Variants in ABCA9 observed in about 807,000 individuals in gnomAD.
The protein encoded by ABCA9 is ATP binding cassette subfamily A member 9, also known as ATP-binding cassette sub-family A member 9.
Under a neutral mutation model 205.3 loss-of-function variants are expected in ABCA9, and 183 were observed. The observed-to-expected ratio is 0.89, with a 90% CI of 0.79 to 1.01. The LOEUF (loss-of-function observed/expected upper bound fraction) is 1.01. ABCA9 is among the 50% of genes least tolerant of loss of function. The probability of loss-of-function intolerance (pLI) is 0.00; values close to 1 mark genes in which losing one functional copy is unlikely to be tolerated. For synonymous variants in ABCA9, 651 were observed against 683.3 expected (o/e 0.95, Z 0.74); for missense variants, 1,805 against 1,912.4 (o/e 0.94, Z 1.05).
the ABCA9 span, among the ~76,000 whole-genome samples, chr17:69,075,399 T>C: frequency 6.6e-6 from 1 of 152,220 alleles, no homozygotes; most frequent in East Asian, 1.9e-4. Context: ...AATCTTTGAT[T>C]CATCTTGAGT....
intron 22 of ABCA9, 151 bp downstream of exon 22, chr17:69,016,102 G>GTATATATATATA (rs369501172): frequency 7.8e-6 from 2 of 255,614 alleles, no homozygotes; most frequent in African/African-American, 4.9e-5. Context: ...ATGTGTGTGT[G>GTATATATATATA]TATATATATA....
chr17:69,009,586 T>G lies in ABCA9; in HGVS notation c.3148-1351A>C, dbSNP rs560176170. On this transcript the variant is annotated intron_variant, in intron 23 of 38. Transcript: ENST00000340001. The stretch of plus-strand genomic sequence containing the variant: ...GCTCCTTGGTATGACGAGAAACCAT[T>G]GAAGAGATTTAGACAGAGAATTAAC... Among the ~76,000 whole-genome samples, 8 of 152,234 alleles carry G rather than the reference T, an allele frequency of 5.3e-5. No individual in the cohort carries two copies. The East Asian group carries it at 1.5e-3, about 29-fold the overall frequency.
At chr17:69,061,345 T>C (rs1266032349), upstream of ABCA9, among the ~76,000 whole-genome samples, 2 of 151,740 alleles carry the variant, frequency 1.3e-5, no homozygotes, top group Admixed American at 1.3e-4. Context: ...GTTATATATA[T>C]ATATATTTTA....
intron 26 of ABCA9, among the ~76,000 whole-genome samples, chr17:68,994,453 A>T (rs1320063782): frequency 1.3e-5 from 2 of 152,220 alleles, no homozygotes; most frequent in Admixed American, 1.3e-4. Context: ...ATTTAAAAGC[A>T]GGCTGTAATA....
intron 37 of ABCA9, among the ~76,000 whole-genome samples, chr17:68,979,585 G>C (rs957876465): frequency 6.6e-6 from 1 of 151,034 alleles, no homozygotes; most frequent in African/African-American, 2.5e-5. Flanking sequence ...CCAAAACAGA[G>C]ATATAGATCA....
In ABCA9 at chr17:69,021,734, TTTC is replaced by T. The variant is rs1161065637; in HGVS notation, c.2401+5_2401+7del. Reference sequence around the variant, plus strand: ...CTCCCTTTCTTTCTCTTTCTTATTTTTTCTTACCTGATTCATCAATAGTTGATT... The same window carrying T: ...CTCCCTTTCTTTCTCTTTCTTATTTTTTACCTGATTCATCAATAGTTGATT... On this transcript the variant is annotated splice_donor_5th_base_variant and intron_variant, in intron 18 of 38. Coordinates refer to ENST00000340001, the MANE Select transcript of ABCA9 (RefSeq NM_080283.4). The T allele has an allele frequency of 6.5e-7, 1 of 1,528,302 alleles. No individual in the cohort carries two copies. Among genetic ancestry groups the T allele is most frequent in the East Asian group, 2.3e-5 (1 of 43,910 alleles). The allele number at this position is 1,528,302 out of a possible 1,614,324, so 94.7% of individuals were successfully genotyped here.
chr17:69,050,960 AGT>A, intron 2 of ABCA9, 69 bp downstream of exon 2: 1 of 1,368,168 alleles, frequency 7.3e-7, no homozygotes. Context: ...ATGAAAATAA[AGT>A]GTTTATGTTG....
At chr17:69,030,198 A>C (rs1262770192) in intron 10 of ABCA9, among the ~76,000 whole-genome samples, 1 of 152,198 alleles carries the variant, frequency 6.6e-6, no homozygotes, top group Non-Finnish European at 1.5e-5. Flanking sequence ...AATACCATAG[A>C]CTAGGTGGCT....
intron 9 of ABCA9, 61 bp downstream of exon 9, chr17:69,033,665 G>A (rs2071235999): frequency 7.2e-7 from 1 of 1,392,162 alleles, no homozygotes; most frequent in Non-Finnish European, 9.8e-7. Flanking sequence ...ACATTGTAGA[G>A]TTGTTTTAAA....
At position 68,983,775 on chromosome 17, in the gene ABCA9, A is replaced by G. The variant is rs1277948895; in HGVS notation, c.4574T>C (p.Leu1525Pro). 6.2e-7 allele frequency: 1 copy of G among 1,614,250 alleles called. No individual in the cohort carries two copies. The highest frequency in any genetic ancestry group is 1.7e-5 in the Admixed American group (1 of 60,030). The change falls in exon 36 of 39, where the codon CTG becomes CCG. Residue 1525 changes from leucine (L) to proline (P), a missense_variant. Coordinates refer to ENST00000340001, the MANE Select transcript of ABCA9 (RefSeq NM_080283.4). ...DYLLEMKLKN[L>P]AQMEPLHAEI... ...TGCATGGAGGGGCTCCATTTGTGCC[A>G]GGTTCTTCAGCTTCATCTCCAGCAG...
chr17:69,051,547 C>A (rs563739306), intron 1 of ABCA9: 1 of 176,974 alleles, frequency 5.7e-6, no homozygotes, highest in South Asian at 1.4e-4. Flanking sequence ...TACCATCAAT[C>A]AGTTCTGCTC....
chr17:69,028,951 T>C (rs1019129925), intron 11 of ABCA9, among the ~76,000 whole-genome samples: 2 of 151,984 alleles, frequency 1.3e-5, no homozygotes, highest in Non-Finnish European at 2.9e-5. Flanking sequence ...AATACTATCA[T>C]ATATCTTTCA....
intron 1 of ABCA9, among the ~76,000 whole-genome samples, chr17:69,053,203 T>A (rs773205986): frequency 3.0e-4 from 45 of 152,320 alleles, no homozygotes; most frequent in Non-Finnish European, 4.9e-4. Context: ...AACCTTCTAA[T>A]CACATGGGTG....
intron 37 of ABCA9, among the ~76,000 whole-genome samples, chr17:68,981,133 T>C (rs563750352): frequency 5.3e-5 from 8 of 151,714 alleles, no homozygotes; most frequent in African/African-American, 1.2e-4. Flanking sequence ...AAGGCAACAA[T>C]AGAGGGTAGG....
chr17:69,072,596 G>A, the ABCA9 span, among the ~76,000 whole-genome samples: 3 of 150,176 alleles, frequency 2.0e-5, no homozygotes, highest in African/African-American at 4.9e-5. Context: ...CCTGAAGGAA[G>A]CACTAAATAT....
At position 69,037,791 on chromosome 17, in the gene ABCA9, A is replaced by T. The variant is rs1341325777; in HGVS notation, c.801-1990T>A. Among the ~76,000 whole-genome samples the T allele has an allele frequency of 3.3e-5, 5 of 152,198 alleles. No individual in the cohort carries two copies. In the East Asian group the frequency reaches 5.8e-4, roughly 18 times the overall value. On this transcript the variant is annotated intron_variant, in intron 6 of 38. Coordinates refer to ENST00000340001, the MANE Select transcript of ABCA9 (RefSeq NM_080283.4). ...AATGAATCCAGGAGCTGTTTTTTTT[A>T]AAAGATTAACAAAATAGATAGACTT...
In ABCA9 at chr17:69,049,494, T is replaced by C. The variant is rs1567973275; in HGVS notation, c.97-4A>G. On this transcript the variant is annotated splice_region_variant and splice_polypyrimidine_tract_variant and intron_variant, in intron 2 of 38. Transcript: ENST00000340001. ...GAAGAAATGAAAAGAGCCATTCCTA[T>C]ATAGCAATAAGAGAAAAAGGAAACA... is the stretch of plus-strand genomic sequence containing the variant. The C allele has an allele frequency of 6.2e-7, 1 of 1,600,124 alleles. No homozygotes were observed. Among genetic ancestry groups the C allele is most frequent in the Non-Finnish European group, 8.5e-7 (1 of 1,172,042 alleles).
chr17:69,026,304 C>T (rs1455763478), intron 16 of ABCA9, 73 bp downstream of exon 16: 1 of 1,226,252 alleles, frequency 8.2e-7, no homozygotes, highest in Admixed American at 1.9e-5. Flanking sequence ...TACTTTTACA[C>T]ATTGATGCTG....
intron 31 of ABCA9, among the ~76,000 whole-genome samples, chr17:68,987,759 T>TC (rs2069288194): frequency 1.2e-5 from 1 of 81,966 alleles, no homozygotes. Flanking sequence ...TGTTTGTTTG[T>TC]TTGTTTGTTT....
Sources: allele counts gnomAD v4.1 joint callset (sites outside exome capture counted in the v4.1 genomes callset), GRCh38; gene constraint gnomAD v4.1.1; transcripts MANE v1.5; gene names NCBI Gene and HGNC (gene_info 2026-07-23, HGNC 2026-07-21).